TRIM71: variants seen among roughly 807,000 people sequenced by gnomAD.
TRIM71 encodes E3 ubiquitin-protein ligase TRIM71.
Under a neutral mutation model 61.2 loss-of-function variants are expected in TRIM71, and 9 were observed. That is an observed-to-expected ratio of 0.15 (90% CI 0.09 to 0.26). TRIM71 has a LOEUF of 0.26. TRIM71 is among the 10% of genes least tolerant of loss of function. The pLI is 1.00. For missense variants in TRIM71, 998 were observed against 1,238.7 expected, an observed-to-expected ratio of 0.81 and a Z score of 2.92; for synonymous variants, 645 against 553.2, an observed-to-expected ratio of 1.17 and a Z score of -2.33.
chr3:32,886,094 G>A, intron 3 of TRIM71, 26 bp downstream of exon 3: 4 of 1,600,542 alleles, frequency 2.5e-6, no homozygotes, highest in Non-Finnish European at 3.4e-6. Flanking sequence ...CCCCCACCCA[G>A]GCTGTGCCCA....
intron 1 of TRIM71, among the ~76,000 whole-genome samples, chr3:32,827,164 T>C (rs1559537050): frequency 6.6e-6 from 1 of 152,126 alleles, no homozygotes; most frequent in Non-Finnish European, 1.5e-5. Flanking sequence ...ATAGAAGTAG[T>C]AGTCTTTAGC....
chr3:32,825,212 T>A (rs1484992176), intron 1 of TRIM71, among the ~76,000 whole-genome samples: 1 of 152,212 alleles, frequency 6.6e-6, no homozygotes, highest in Non-Finnish European at 1.5e-5. Context: ...ATAATTGGGC[T>A]TTATGTCTTT....
chr3:32,842,185 G>C (rs934583273), intron 1 of TRIM71, among the ~76,000 whole-genome samples: 2 of 152,162 alleles, frequency 1.3e-5, no homozygotes, highest in Admixed American at 6.5e-5. Flanking sequence ...ATTTACTGCT[G>C]GGAAAACATT....
chr3:32,833,441 G>C (rs1350324692), intron 1 of TRIM71, among the ~76,000 whole-genome samples: 1 of 151,912 alleles, frequency 6.6e-6, no homozygotes, highest in East Asian at 1.9e-4. Flanking sequence ...CCCTGCCTTT[G>C]CTGTGTCCTT....
intron 1 of TRIM71, among the ~76,000 whole-genome samples, chr3:32,826,078 C>G (rs1387750642): frequency 6.6e-6 from 1 of 152,156 alleles, no homozygotes; most frequent in African/African-American, 2.4e-5. Flanking sequence ...CCATCTCTTG[C>G]CTTCCTCATG....
chr3:32,888,974 C>T (rs1696993229), intron 3 of TRIM71, among the ~76,000 whole-genome samples: 1 of 152,236 alleles, frequency 6.6e-6, no homozygotes, highest in Non-Finnish European at 1.5e-5. Context: ...CTAGTCTCAA[C>T]CTGTAGGTCT....
intron 1 of TRIM71, among the ~76,000 whole-genome samples, chr3:32,856,975 C>T (rs1023219662): frequency 2.6e-5 from 4 of 152,140 alleles, no homozygotes; most frequent in African/African-American, 4.8e-5. Context: ...AGTGAGCCAG[C>T]TTATCCAAAA....
At chr3:32,846,623 C>T (rs1353895969) in intron 1 of TRIM71, among the ~76,000 whole-genome samples, 2 of 152,040 alleles carry the variant, frequency 1.3e-5, no homozygotes, top group African/African-American at 2.4e-5. Flanking sequence ...AACTTTTAAC[C>T]GACATCTCCC....
intron 1 of TRIM71, among the ~76,000 whole-genome samples, chr3:32,826,176 A>G (rs755685411): frequency 7.9e-5 from 12 of 152,212 alleles, no homozygotes; most frequent in Non-Finnish European, 1.5e-4. Context: ...ACTCCCATCC[A>G]GGCAGGGTGC....
chr3:32,839,814 G>A (rs1472328372), intron 1 of TRIM71, among the ~76,000 whole-genome samples: 1 of 151,578 alleles, frequency 6.6e-6, no homozygotes, highest in African/African-American at 2.4e-5. Context: ...GGCATTGAAG[G>A]TGGGGTGCTG....
At chr3:32,872,238 A>T (rs1221957273) in intron 1 of TRIM71, among the ~76,000 whole-genome samples, 3 of 152,186 alleles carry the variant, frequency 2.0e-5, no homozygotes, top group Non-Finnish European at 2.9e-5. Context: ...CAATATCCTA[A>T]ATCTTTCGTT....
At chr3:32,888,231 A>G (rs760893382) in intron 3 of TRIM71, among the ~76,000 whole-genome samples, 2 of 152,100 alleles carry the variant, frequency 1.3e-5, no homozygotes, top group Non-Finnish European at 2.9e-5. Flanking sequence ...AAAGCGTGCT[A>G]TGTTAAAATT....
chr3:32,829,652 T>TG (rs1575341635), intron 1 of TRIM71, among the ~76,000 whole-genome samples: 1 of 81,808 alleles, frequency 1.2e-5, no homozygotes, highest in Non-Finnish European at 3.0e-5. Flanking sequence ...GTGTGTGTGT[T>TG]TGTGTGTGCG....
In TRIM71 at chr3:32,818,801, G is replaced by C. The variant is rs1454796809; in HGVS notation, c.721G>C (p.Gly241Arg). Residue 241 changes from glycine to arginine, a missense_variant, in exon 1 of 4, where the codon GGC becomes CGC. Physicochemically the swap from Gly to Arg is moderately radical, Grantham distance 125 (BLOSUM62 -2). This residue lies in a region of TRIM71 where 527 missense variants were observed against 427.8 expected (regional missense o/e 1.23). Coordinates refer to ENST00000383763, the MANE Select transcript of TRIM71 (RefSeq NM_001039111.3). ...CACCAAGGACCACTACATCGAGCGC[G>C]GCCCGCCGGGTCCCGGTGCCGCAGC... ...RLTKDHYIER[G>R]PPGPGAAAAA... is the part of the protein sequence containing the mutation. 1.2e-6 allele frequency: 2 copies of C among 1,608,186 alleles called. No homozygotes were observed. The highest frequency in any genetic ancestry group is 1.7e-6 in the Non-Finnish European group (2 of 1,177,878).
intron 1 of TRIM71, among the ~76,000 whole-genome samples, chr3:32,869,481 G>T (rs1207086152): frequency 6.6e-6 from 1 of 152,190 alleles, no homozygotes; most frequent in African/African-American, 2.4e-5. Context: ...CTTGGTGTGT[G>T]TGTTCCTTGT....
At chr3:32,875,552 A>AT (rs1696844817) in intron 2 of TRIM71, among the ~76,000 whole-genome samples, 1 of 152,220 alleles carries the variant, frequency 6.6e-6, no homozygotes, top group South Asian at 2.1e-4. Flanking sequence ...TAAAAGTAAG[A>AT]TTCTGGCCAG....
chr3:32,823,750 C>T (rs1384765143), intron 1 of TRIM71, among the ~76,000 whole-genome samples: 1 of 146,026 alleles, frequency 6.8e-6, no homozygotes, highest in Non-Finnish European at 1.5e-5. Flanking sequence ...GCCTGGGTGA[C>T]GGAGCGAGAC....
chr3:32,826,582 CTTTT>C (rs71068090), intron 1 of TRIM71, among the ~76,000 whole-genome samples: 78 of 83,092 alleles, frequency 9.4e-4, no homozygotes, highest in African/African-American at 4.0e-3. Flanking sequence ...CAGGTGAGTT[CTTTT>C]TTTTTTTTTT....
chr3:32,885,837 G>A (rs1696955726), intron 2 of TRIM71, 97 bp from the exon 3 acceptor site: 1 of 1,500,804 alleles, frequency 6.7e-7, no homozygotes, highest in Non-Finnish European at 8.9e-7. Flanking sequence ...AACCCAGGGT[G>A]TCAGCTTTTC....
Sources: gnomAD v4.1 joint callset for allele counts (sites outside exome capture counted in the v4.1 genomes callset) on GRCh38, gnomAD v4.1.1 for gene constraint, gnomAD v4.1.1 regional missense constraint, MANE v1.5 for transcripts, NCBI Gene and HGNC (gene_info 2026-07-23, HGNC 2026-07-21) for gene names.